The following PCDHGA10 variants were observed in gnomAD, a reference collection of about 807,000 sequenced individuals.
The protein encoded by PCDHGA10 is protocadherin gamma-A10.
Under a neutral mutation model 59.5 loss-of-function variants are expected in PCDHGA10, and 42 were observed. The observed-to-expected ratio is 0.71, with a 90% CI of 0.55 to 0.91. PCDHGA10 has a LOEUF of 0.91. PCDHGA10 is among the 40% of genes least tolerant of loss of function. The pLI is 0.00. For missense variants in PCDHGA10, 1,111 were observed against 1,198.2 expected, an observed-to-expected ratio of 0.93 and a Z score of 1.07; for synonymous variants, 511 against 517.2, an observed-to-expected ratio of 0.99 and a Z score of 0.16.
rs1432960207 is a variant in PCDHGA10, at chr5:141,477,648, C to A, written c.2437-17159C>A. On this transcript the variant is annotated intron_variant, in intron 1 of 3. Coordinates refer to ENST00000398610, the MANE Select transcript of PCDHGA10 (RefSeq NM_018913.3). This position sits in a 1 kb window ranked among gnomAD's most constrained non-coding sequence, Gnocchi z 4.9. ...ACCGGGCTAGTGGGTCGCTATTTCA[C>A]AATAAATCGTGACAATGGCATAGTG... is the stretch of plus-strand genomic sequence containing the variant. 7 of 1,614,046 alleles carry A rather than the reference C, an allele frequency of 4.3e-6. No homozygotes were observed. Among genetic ancestry groups the A allele is most frequent in the Non-Finnish European group, 5.9e-6 (7 of 1,180,044 alleles).
chr5:141,489,314 G>T lies in PCDHGA10; in HGVS notation c.2437-5493G>T. ...TGCATGTTGTCCTTGTGCTGCTGGG[G>T]CTGGGTGTCTGGGCAGCTTCGTTAC... On this transcript the variant is annotated intron_variant, in intron 1 of 3. Transcript: ENST00000398610. This position sits in a 1 kb window ranked among gnomAD's most constrained non-coding sequence, Gnocchi z 4.5. 6.3e-7 allele frequency: 1 copy of T among 1,596,908 alleles called. No individual in the cohort carries two copies. The highest frequency in any genetic ancestry group is 8.5e-7 in the Non-Finnish European group (1 of 1,170,694).
chr5:141,473,237 A>C (rs2099317600), intron 1 of PCDHGA10, among the ~76,000 whole-genome samples: 1 of 152,194 alleles, frequency 6.6e-6, no homozygotes, highest in African/African-American at 2.4e-5. Context: ...GATCCACACA[A>C]GTGAATACAT....
At chr5:141,433,699 T>C (rs2097645911) in intron 1 of PCDHGA10, among the ~76,000 whole-genome samples, 1 of 152,082 alleles carries the variant, frequency 6.6e-6, no homozygotes, top group Non-Finnish European at 1.5e-5. Flanking sequence ...TAGCCGGGCG[T>C]GGTGGTGCAT....
At position 141,505,403 on chromosome 5, in the gene PCDHGA10, G is replaced by A; in HGVS notation, c.2506G>A (p.Gly836Ser). The A allele has an allele frequency of 6.2e-7, 1 of 1,614,186 alleles. No individual in the cohort carries two copies. The highest frequency in any genetic ancestry group is 8.5e-7 in the Non-Finnish European group (1 of 1,180,038). ...QRPGTSGSQN[G>S]DDTGTWPNNQ... ...CTACTCTCTCCCCAGCTCCCAAAAT[G>A]GCGATGACACCGGCACCTGGCCCAA... Residue 836 changes from glycine (G) to serine (S), a missense_variant, in exon 3 of 4, where the codon GGC (glycine) becomes AGC (serine). Coordinates refer to ENST00000398610, the MANE Select transcript of PCDHGA10 (RefSeq NM_018913.3).
chr5:141,502,062 A>G (rs530211521), intron 2 of PCDHGA10, among the ~76,000 whole-genome samples: 2 of 152,146 alleles, frequency 1.3e-5, no homozygotes, highest in South Asian at 4.2e-4. Flanking sequence ...TATTCCCATT[A>G]GCCCCCTTCA....
intron 1 of PCDHGA10, among the ~76,000 whole-genome samples, chr5:141,481,171 C>G (rs927813327): frequency 6.6e-6 from 1 of 152,120 alleles, no homozygotes; most frequent in African/African-American, 2.4e-5. Flanking sequence ...AACCAGAATC[C>G]AGCTTTATTG....
At chr5:141,419,159 T>G in intron 1 of PCDHGA10, 1 of 1,613,916 alleles carries the variant, frequency 6.2e-7, no homozygotes, top group Non-Finnish European at 8.5e-7. Flanking sequence ...TCCGTTATCC[T>G]CCAGCAAAAC....
Position 141,477,912 on chromosome 5 carries a change from A to T in PCDHGA10, c.2437-16895A>T. The T allele has an allele frequency of 6.2e-7, 1 of 1,614,166 alleles. No individual in the cohort carries two copies. Among genetic ancestry groups the T allele is most frequent in the Non-Finnish European group, 8.5e-7 (1 of 1,180,022 alleles). ...TCACGGGTGGTAGGCTGGGACGCGGATGCAGGGCACAATGCCTGGCTCTCC... is the reference window on the plus strand; with the variant it reads ...TCACGGGTGGTAGGCTGGGACGCGGTTGCAGGGCACAATGCCTGGCTCTCC... On this transcript the variant is annotated intron_variant, in intron 1 of 3. Coordinates refer to ENST00000398610, the MANE Select transcript of PCDHGA10 (RefSeq NM_018913.3). This position sits in a 1 kb window ranked among gnomAD's most constrained non-coding sequence, Gnocchi z 4.9.
chr5:141,421,695 T>C (rs374319762), intron 1 of PCDHGA10: 15 of 1,613,840 alleles, frequency 9.3e-6, no homozygotes, highest in Non-Finnish European at 1.2e-5. Context: ...TTGCTCTTCC[T>C]AATGCTAGGG....
chr5:141,431,921 G>A lies in PCDHGA10; in HGVS notation c.2436+16310G>A. The A allele has an allele frequency of 1.9e-6, 3 of 1,614,142 alleles. No homozygotes were observed. Among genetic ancestry groups the A allele is most frequent in the South Asian group, 2.2e-5 (2 of 91,084 alleles). On this transcript the variant is annotated intron_variant, in intron 1 of 3. Transcript: ENST00000398610. The surrounding 1 kb of genome is among the most constrained non-coding windows in gnomAD (Gnocchi z 4.8). ...CGGACAGGTGATCTGTTTCATCCAA[G>A]GAAATCTGCCCTTTAAATTAGAAAA...
chr5:141,454,489 C>T (rs1450435753), intron 1 of PCDHGA10, among the ~76,000 whole-genome samples: 1 of 152,222 alleles, frequency 6.6e-6, no homozygotes, highest in African/African-American at 2.4e-5. Flanking sequence ...TCACCGCAAC[C>T]TCCACCTCCT....
intron 1 of PCDHGA10, among the ~76,000 whole-genome samples, chr5:141,453,850 CT>C (rs1465668273): frequency 1.3e-5 from 2 of 152,148 alleles, no homozygotes; most frequent in Non-Finnish European, 2.9e-5. Context: ...CCACAGAGCA[CT>C]TTGAAAATAA....
At chr5:141,463,692 C>A (rs1482988660) in intron 1 of PCDHGA10, among the ~76,000 whole-genome samples, 2 of 151,934 alleles carry the variant, frequency 1.3e-5, no homozygotes, top group Non-Finnish European at 2.9e-5. Flanking sequence ...GTGATCTGCT[C>A]ACCTCGGCCT....
Position 141,450,950 on chromosome 5 carries a change from A to G in PCDHGA10, c.2436+35339A>G, listed in dbSNP as rs1176916120. ...AGCAATTCTCCTACCTCAGCCTCCCAAGTAGCTGGGATTACAGGCATGTGC... is the reference window on the plus strand; with the variant it reads ...AGCAATTCTCCTACCTCAGCCTCCCGAGTAGCTGGGATTACAGGCATGTGC... On this transcript the variant is annotated intron_variant, in intron 1 of 3. Coordinates refer to ENST00000398610, the MANE Select transcript of PCDHGA10 (RefSeq NM_018913.3). Among the ~76,000 whole-genome samples, 9 of 150,714 alleles carry G rather than the reference A, an allele frequency of 6.0e-5. No individual in the cohort carries two copies. In the East Asian group the frequency reaches 1.6e-3, roughly 26 times the overall value.
chr5:141,491,583 C>G lies in PCDHGA10; in HGVS notation c.2437-3224C>G. On this transcript the variant is annotated intron_variant, in intron 1 of 3. Coordinates refer to ENST00000398610, the MANE Select transcript of PCDHGA10 (RefSeq NM_018913.3). This position sits in a 1 kb window ranked among gnomAD's most constrained non-coding sequence, Gnocchi z 6.9. ...GCTACAGGACGTGCTTTTCACCGGC[C>G]TCGGACGGCAGTGACTTCACTTTTC... is the stretch of plus-strand genomic sequence containing the variant. 1 of 1,613,964 alleles carries G rather than the reference C, an allele frequency of 6.2e-7. No individual in the cohort carries two copies. The highest frequency in any genetic ancestry group is 8.5e-7 in the Non-Finnish European group (1 of 1,180,046).
At chr5:141,463,438 C>CTTTTTT (rs71576115) in intron 1 of PCDHGA10, among the ~76,000 whole-genome samples, 4 of 103,256 alleles carry the variant, frequency 3.9e-5, no homozygotes, top group African/African-American at 1.3e-4. Context: ...TTTCCTTCTC[C>CTTTTTT]TTTTTTTTTT....
At chr5:141,492,423 G>C (rs1164828445) in intron 1 of PCDHGA10, among the ~76,000 whole-genome samples, 1 of 152,222 alleles carries the variant, frequency 6.6e-6, no homozygotes, top group African/African-American at 2.4e-5. Context: ...CCCTCCGCCG[G>C]GCTCAGGAGT....
intron 1 of PCDHGA10, among the ~76,000 whole-genome samples, chr5:141,424,979 T>G (rs565208060): frequency 1.4e-4 from 22 of 152,322 alleles, no homozygotes; most frequent in African/African-American, 4.6e-4. Flanking sequence ...CTTGGATATT[T>G]ATGTTCCCTT....
Position 141,428,162 on chromosome 5 carries a change from G to A in PCDHGA10, c.2436+12551G>A, listed in dbSNP as rs75153946. The A allele has an allele frequency of 9.5e-4, 1,493 of 1,569,102 alleles. 9 individuals are homozygous for A. The African/African-American group carries it at 0.016, about 16-fold the overall frequency. On this transcript the variant is annotated intron_variant, in intron 1 of 3. Coordinates refer to ENST00000398610, the MANE Select transcript of PCDHGA10 (RefSeq NM_018913.3). ...GGCTGCACACGGGAACCTGCTGGTT[G>A]CTGTGCGTGACGGAGGACAGCCGCC...
Sources: gnomAD v4.1 joint callset for allele counts (sites outside exome capture counted in the v4.1 genomes callset) on GRCh38, gnomAD v4.1.1 for gene constraint, Gnocchi (gnomAD v3.1) non-coding constraint, MANE v1.5 for transcripts, NCBI Gene and HGNC (gene_info 2026-07-23, HGNC 2026-07-21) for gene names.